KDM5A: variants seen among roughly 807,000 people sequenced by gnomAD.
KDM5A encodes lysine demethylase 5A, also known as lysine-specific demethylase 5A.
Under a neutral mutation model 193.5 loss-of-function variants are expected in KDM5A, and 42 were observed. The observed-to-expected ratio is 0.22, with a 90% CI of 0.17 to 0.28. The LOEUF (loss-of-function observed/expected upper bound fraction) is 0.28, where lower values mean the gene tolerates loss of function less well. Ranked by LOEUF, KDM5A falls within the 10% of genes least tolerant of loss-of-function variation. The pLI is 1.00. For missense variants in KDM5A, 1,692 were observed against 2,055.1 expected (o/e 0.82, Z 3.42); for synonymous variants, 796 against 718.1 (o/e 1.11, Z -1.73).
Position 318,517 on chromosome 12 carries a change from A to G in KDM5A, c.2542-56T>C, listed in dbSNP as rs1943678065. 3.1e-6 allele frequency: 4 copies of G among 1,304,858 alleles called. No homozygotes were observed. The South Asian group carries it at 3.6e-5, about 12-fold the overall frequency. 80.8% of individuals were successfully genotyped at this position (1,304,858 alleles called of 1,614,324 possible). ...AAAACAAATTTAAAACATACAAAAG[A>G]GTATGAAATAGACATAGTCAAGGCA... On this transcript the variant is annotated intron_variant, in intron 18 of 27. Transcript: ENST00000399788.
chr12:291,509 T>C (rs1205526640), intron 27 of KDM5A, among the ~76,000 whole-genome samples: 3 of 152,198 alleles, frequency 2.0e-5, no homozygotes, highest in Non-Finnish European at 4.4e-5. Context: ...TGAGTCCTGG[T>C]TGCATCATCT....
chr12:289,907 C>CTTTTTTTTTTT (rs750918968), intron 27 of KDM5A, among the ~76,000 whole-genome samples: 2 of 99,646 alleles, frequency 2.0e-5, no homozygotes, highest in East Asian at 4.4e-4. Flanking sequence ...TTCTTTCTTT[C>CTTTTTTTTTTT]TTTTTTTTTT....
chr12:351,517 T>C (rs145196397), intron 9 of KDM5A, among the ~76,000 whole-genome samples: 2 of 152,192 alleles, frequency 1.3e-5, no homozygotes, highest in East Asian at 1.9e-4. Flanking sequence ...TTAATAACTA[T>C]AGCAAATTTT....
At chr12:301,602 C>T (rs1165776796) in intron 24 of KDM5A, among the ~76,000 whole-genome samples, 1 of 152,106 alleles carries the variant, frequency 6.6e-6, no homozygotes, top group Non-Finnish European at 1.5e-5. Context: ...GGAAGCATTC[C>T]CTTTGAAAAC....
chr12:360,750 AG>A (rs1314219068), intron 5 of KDM5A, among the ~76,000 whole-genome samples: 1 of 152,244 alleles, frequency 6.6e-6, no homozygotes, highest in Non-Finnish European at 1.5e-5. Flanking sequence ...GGCAAGGATA[AG>A]GCATCATGTA....
chr12:379,174 TA>T (rs144447531), intron 3 of KDM5A, among the ~76,000 whole-genome samples: 6,038 of 147,732 alleles, frequency 0.041, 374 homozygotes, highest in African/African-American at 0.13. Flanking sequence ...AAATCATATA[TA>T]AAAAAAAAAC....
At chr12:312,593 G>A (rs551196458) in intron 20 of KDM5A, among the ~76,000 whole-genome samples, 15 of 152,238 alleles carry the variant, frequency 9.9e-5, no homozygotes, top group African/African-American at 3.6e-4. Flanking sequence ...AAAATCAGAC[G>A]AAAGAGTAAG....
At chr12:372,780 T>C (rs1229778080) in intron 3 of KDM5A, among the ~76,000 whole-genome samples, 1 of 152,218 alleles carries the variant, frequency 6.6e-6, no homozygotes, top group Non-Finnish European at 1.5e-5. Flanking sequence ...ATACCTAATT[T>C]ATTGAGAGTT....
chr12:328,754 G>C, intron 14 of KDM5A, 81 bp downstream of exon 14: 1 of 1,234,512 alleles, frequency 8.1e-7, no homozygotes, highest in East Asian at 2.3e-5. Context: ...AGGGGATAAG[G>C]GATGAAAATT....
chr12:337,150 T>C (rs1416157512), intron 10 of KDM5A, among the ~76,000 whole-genome samples: 1 of 152,228 alleles, frequency 6.6e-6, no homozygotes, highest in Non-Finnish European at 1.5e-5. Context: ...TTCCTCCTGC[T>C]CTGGCCATGT....
chr12:321,548 C>A (rs1278146625), intron 17 of KDM5A, among the ~76,000 whole-genome samples: 3 of 152,030 alleles, frequency 2.0e-5, no homozygotes, highest in Admixed American at 2.0e-4. Context: ...GGTCACTGAC[C>A]CAATGACAAG....
chr12:354,691 C>T (rs999444454), intron 7 of KDM5A, among the ~76,000 whole-genome samples: 2 of 151,790 alleles, frequency 1.3e-5, no homozygotes, highest in African/African-American at 4.8e-5. Context: ...GGCATGAGCC[C>T]GAGAGGTGGA....
At chr12:342,537 G>C (rs979525176) in intron 10 of KDM5A, among the ~76,000 whole-genome samples, 3 of 151,930 alleles carry the variant, frequency 2.0e-5, no homozygotes, top group Non-Finnish European at 2.9e-5. Context: ...TCGGCTCACT[G>C]CAACCTCCGC....
chr12:335,465 A>C (rs1943916869), intron 10 of KDM5A, among the ~76,000 whole-genome samples: 1 of 152,228 alleles, frequency 6.6e-6, no homozygotes, highest in Non-Finnish European at 1.5e-5. Flanking sequence ...GGTATGTGCT[A>C]TCATAACAGA....
chr12:298,317 T>C (rs1169801879), intron 24 of KDM5A, among the ~76,000 whole-genome samples: 1 of 152,232 alleles, frequency 6.6e-6, no homozygotes, highest in Non-Finnish European at 1.5e-5. Context: ...ATCTGGCCAG[T>C]GCCCCTCTGG....
chr12:295,703 T>C lies in KDM5A; in HGVS notation c.4325A>G (p.Lys1442Arg). The C allele has an allele frequency of 6.2e-7, 1 of 1,614,080 alleles. No homozygotes were observed. Among genetic ancestry groups the C allele is most frequent in the Non-Finnish European group, 8.5e-7 (1 of 1,179,988 alleles). The change falls in exon 26 of 28, where the codon AAG (lysine) becomes AGG (arginine). Residue 1442 changes from lysine (K) to arginine (R), a missense_variant. Coordinates refer to ENST00000399788, the MANE Select transcript of KDM5A (RefSeq NM_001042603.3). ...CATCATAAGTTCTTCCAGTTGTGCC[T>C]TAGCTCCAGGTGACAACTCCAGCAC... is the stretch of plus-strand genomic sequence containing the variant. ...PPVLELSPGA[K>R]AQLEELMMVG...
At chr12:385,786 A>G (rs1349502038) in intron 2 of KDM5A, 111 bp downstream of exon 2, 1 of 812,978 alleles carries the variant, frequency 1.2e-6, no homozygotes, top group Non-Finnish European at 2.2e-6. Context: ...TCCATTCAAT[A>G]CCAATTAACA....
Position 386,002 on chromosome 12 carries a change from C to A in KDM5A, c.166-28G>T, listed in dbSNP as rs778097569. On this transcript the variant is annotated intron_variant, in intron 1 of 27. Coordinates refer to ENST00000399788, the MANE Select transcript of KDM5A (RefSeq NM_001042603.3). Reference sequence around the variant, plus strand: ...AAATAGAAAGATTTTTTTAAAAAAACACAGTGGTATGTAAACAAGGAATGC... The same window carrying A: ...AAATAGAAAGATTTTTTTAAAAAAAAACAGTGGTATGTAAACAAGGAATGC... 16 of 1,555,290 alleles carry A rather than the reference C, an allele frequency of 1.0e-5. No individual in the cohort carries two copies. The Admixed American group carries it at 2.5e-4, about 24-fold the overall frequency.
rs1189087683 is a variant in KDM5A at position 350,670 on chromosome 12, C to T, written c.1259G>A (p.Ser420Asn). ...GADISSKDFG[S>N]GFPVKDGRRK... ...CCGCCCATCCTTCACCGGAAATCCA[C>T]TTCCAAAGTCTTTTGAGGAGATATC... Residue 420 changes from serine (S) to asparagine (N), a missense_variant, in exon 10 of 28, where the codon AGT (serine) becomes AAT (asparagine). Ser to Asn is a conservative substitution (Grantham distance 46). Around this residue, in one of 11 missense-constraint regions of KDM5A, gnomAD observed 172 missense variants for 260.3 expected, o/e 0.66. Transcript: ENST00000399788. 6.2e-7 allele frequency: 1 copy of T among 1,614,004 alleles called. No individual in the cohort carries two copies. The highest frequency in any genetic ancestry group is 8.5e-7 in the Non-Finnish European group (1 of 1,180,012).
Sources: allele counts gnomAD v4.1 joint callset (sites outside exome capture counted in the v4.1 genomes callset), GRCh38; gene constraint gnomAD v4.1.1; regional missense constraint gnomAD v4.1.1; transcripts MANE v1.5; gene names NCBI Gene and HGNC (gene_info 2026-07-23, HGNC 2026-07-21).